The following SSBP1 variants were observed in gnomAD, a reference collection of about 807,000 sequenced individuals.
The protein encoded by SSBP1 is single-stranded DNA-binding protein, mitochondrial.
In SSBP1, 20 loss-of-function variants were observed where a neutral mutation model predicts 27.0. That is an observed-to-expected ratio of 0.74 (90% confidence interval 0.52 to 1.08). The LOEUF (loss-of-function observed/expected upper bound fraction) is 1.08. Ranked by LOEUF, SSBP1 falls within the 50% of genes least tolerant of loss-of-function variation. The probability of loss-of-function intolerance (pLI) is 0.00; values close to 1 mark genes in which losing one functional copy is unlikely to be tolerated. For synonymous variants in SSBP1, 59 were observed against 59.3 expected (o/e 1.00, Z 0.02); for missense variants, 137 against 182.4 (o/e 0.75, Z 1.44).
chr7:141,738,598 A>AG (rs1368522655), intron 1 of SSBP1, 188 bp downstream of exon 1: 2 of 152,528 alleles, frequency 1.3e-5, no homozygotes, highest in African/African-American at 4.8e-5. Flanking sequence ...TCTTCGGTAA[A>AG]GGGTGTCCAC....
At position 141,743,498 on chromosome 7, in the gene SSBP1, G is replaced by T. The variant is rs1027192360; in HGVS notation, c.86-63G>T. 3.3e-5 allele frequency: 52 copies of T among 1,563,536 alleles called. No homozygotes were observed. In the Admixed American group the frequency reaches 4.5e-4, roughly 14 times the overall value. On this transcript the variant is annotated intron_variant, in intron 3 of 6. Transcript: ENST00000265304. The stretch of plus-strand genomic sequence containing the variant: ...GAGCTTCAACATACAAATTTTGGGG[G>T]AAGGGGCACAACTATTCAGTCTATA...
intron 2 of SSBP1, chr7:141,741,775 C>G (rs1799542153): frequency 1.0e-6 from 1 of 997,248 alleles, no homozygotes; most frequent in Admixed American, 5.9e-5. Context: ...TTTGAAAATA[C>G]TTGGCAGCAA....
At chr7:141,748,023 T>G (rs936187191) in intron 6 of SSBP1, among the ~76,000 whole-genome samples, 1 of 151,094 alleles carries the variant, frequency 6.6e-6, no homozygotes, top group Non-Finnish European at 1.5e-5. Flanking sequence ...AAAAATTTTT[T>G]TTTTTTTACT....
rs777151185 is a variant in SSBP1 at position 141,739,184 on chromosome 7, A to G, written c.18A>G (p.Val6=). The G allele has an allele frequency of 3.7e-6, 6 of 1,602,074 alleles. No homozygotes were observed. In the Admixed American group the frequency reaches 5.2e-5, roughly 14 times the overall value. The part of the protein sequence containing the change: MFRRP[V]LQVLRQFVRH... The stretch of plus-strand genomic sequence containing the variant: ...TAGAAGCCATGTTTCGAAGACCTGT[A>G]TTACAGGTAGTCACTTGTCTGTATT... Residue 6 remains valine (V), a synonymous_variant, in exon 2 of 7, where the codon GTA becomes GTG. Coordinates refer to ENST00000265304, the MANE Select transcript of SSBP1 (RefSeq NM_003143.3).
rs1243545173 is a variant in SSBP1 at position 141,743,696 on chromosome 7, A to G, written c.221A>G (p.Gln74Arg). 3 of 1,614,142 alleles carry G rather than the reference A, an allele frequency of 1.9e-6. No homozygotes were observed. The African/African-American group carries it at 4.0e-5, about 22-fold the overall frequency. ...MWRSGDSEVY[Q>R]LGDVSQKTTW... is the part of the protein sequence containing the mutation. ...CGATCAGGGGATAGTGAAGTTTACC[A>G]ACTGGGTGAGTACAAAAGACTGGGG... The change falls in exon 4 of 7, where the codon CAA becomes CGA. Residue 74 changes from glutamine (Q) to arginine (R), a missense_variant. Gln to Arg is a conservative substitution (Grantham distance 43). Around this residue, in one of 2 missense-constraint regions of SSBP1, gnomAD observed 95 missense variants for 152.0 expected, o/e 0.62. Coordinates refer to ENST00000265304, the MANE Select transcript of SSBP1 (RefSeq NM_003143.3).
chr7:141,740,246 A>T (rs1218439478), intron 2 of SSBP1: 2 of 152,248 alleles, frequency 1.3e-5, no homozygotes, highest in African/African-American at 4.8e-5. Context: ...TGATAGGATT[A>T]GATAGCCAAC....
In SSBP1 at chr7:141,747,995, C is replaced by CAAA. The variant is rs926171907; in HGVS notation, c.404-2296_404-2294dup. On this transcript the variant is annotated intron_variant, in intron 6 of 6. Coordinates refer to ENST00000265304, the MANE Select transcript of SSBP1 (RefSeq NM_003143.3). ...CCTGGGCAATAGAGGAAGACTCTCT[C>CAAA]AAAAAAAAAAAAAAAAAAAAAATTT... Among the ~76,000 whole-genome samples, 168 of 55,918 alleles carry CAAA rather than the reference C, an allele frequency of 3.0e-3. 1 individual carries two copies. The highest frequency in any genetic ancestry group is 0.01 in the African/African-American group (161 of 15,380). The allele number at this position is 55,918 out of a possible 152,430, so 36.7% of individuals were successfully genotyped here.
At chr7:141,750,222 C>A in intron 6 of SSBP1, 89 bp from the exon 7 acceptor site, 2 of 916,988 alleles carry the variant, frequency 2.2e-6, no homozygotes, top group Non-Finnish European at 1.7e-6. Context: ...TAATGAACAG[C>A]ACTAAAGTTA....
chr7:141,739,201 G>C lies in SSBP1; in HGVS notation c.24+11G>C. 1 of 1,597,694 alleles carries C rather than the reference G, an allele frequency of 6.3e-7. No individual in the cohort carries two copies. The highest frequency in any genetic ancestry group is 8.5e-7 in the Non-Finnish European group (1 of 1,171,854). ...AGACCTGTATTACAGGTAGTCACTTGTCTGTATTAATACTGAGATGTATTA... is the reference window on the plus strand; with the variant it reads ...AGACCTGTATTACAGGTAGTCACTTCTCTGTATTAATACTGAGATGTATTA... On this transcript the variant is annotated intron_variant, in intron 2 of 6. Transcript: ENST00000265304.
Position 141,750,402 on chromosome 7 carries a change from AG to A in SSBP1, c.*49del, listed in dbSNP as rs1799918865. 6.9e-7 allele frequency: 1 copy of A among 1,458,176 alleles called. No individual in the cohort carries two copies. The highest frequency in any genetic ancestry group is 2.3e-5 in the Admixed American group (1 of 44,046). The allele number at this position is 1,458,176 out of a possible 1,614,324, so 90.3% of individuals were successfully genotyped here. On this transcript the variant is annotated 3_prime_UTR_variant, in exon 7 of 7. Transcript: ENST00000265304. ...ATCATTTGGTACAGTCTCATTTCCA[AG>A]TCATGTATAATCTTTATGGCTTCCA...
chr7:141,747,661 T>C (rs918282869), intron 6 of SSBP1, among the ~76,000 whole-genome samples: 65 of 151,698 alleles, frequency 4.3e-4, no homozygotes, highest in African/African-American at 1.5e-3. Context: ...GTGCTGGGAT[T>C]ACAGGCGTGA....
chr7:141,740,487 C>T (rs1436692562), intron 2 of SSBP1: 2 of 152,170 alleles, frequency 1.3e-5, no homozygotes, highest in African/African-American at 4.8e-5. Context: ...GATCACTTGC[C>T]ACATACTTCC....
chr7:141,741,637 A>T, intron 2 of SSBP1: 1 of 251,662 alleles, frequency 4.0e-6, no homozygotes, highest in Non-Finnish European at 6.3e-6. Flanking sequence ...TCTAAAGTCT[A>T]CTGTAACCAA....
chr7:141,749,983 G>A (rs776660798), intron 6 of SSBP1, among the ~76,000 whole-genome samples: 2 of 152,140 alleles, frequency 1.3e-5, no homozygotes, highest in Non-Finnish European at 2.9e-5. Flanking sequence ...TAGTGTCGTG[G>A]AATCTGCCTG....
At chr7:141,745,641 G>A in intron 6 of SSBP1, 57 bp downstream of exon 6, 1 of 1,604,106 alleles carries the variant, frequency 6.2e-7, no homozygotes, top group Non-Finnish European at 8.5e-7. Flanking sequence ...TTTTTTAAAA[G>A]CTTGGCTACA....
intron 6 of SSBP1, chr7:141,745,920 G>T: frequency 1.9e-6 from 2 of 1,036,308 alleles, no homozygotes; most frequent in South Asian, 4.5e-5. Flanking sequence ...CCAGGAAGAA[G>T]CGTATGCCAA....
At chr7:141,745,435 C>G in intron 5 of SSBP1, 61 bp from the exon 6 acceptor site, 1 of 1,423,182 alleles carries the variant, frequency 7.0e-7, no homozygotes, top group South Asian at 1.3e-5. Flanking sequence ...ACCACCCTGA[C>G]CTGACTCTTA....
chr7:141,743,441 C>T lies in SSBP1; in HGVS notation c.86-120C>T. On this transcript the variant is annotated intron_variant, in intron 3 of 6. Coordinates refer to ENST00000265304, the MANE Select transcript of SSBP1 (RefSeq NM_003143.3). ...CTAAGCCTAATTACCTTTTAAGGAT[C>T]CCACTTCCAAATACCATTACATTGA... The T allele has an allele frequency of 5.9e-6, 7 of 1,176,902 alleles. No homozygotes were observed. In the South Asian group the frequency reaches 6.3e-5, roughly 11 times the overall value. The allele number at this position is 1,176,902 out of a possible 1,614,324, so 72.9% of individuals were successfully genotyped here.
chr7:141,748,522 G>GA (rs1315923428), intron 6 of SSBP1, among the ~76,000 whole-genome samples: 2 of 152,188 alleles, frequency 1.3e-5, no homozygotes, highest in African/African-American at 4.8e-5. Flanking sequence ...TATTAACCTT[G>GA]AAAAGCAGTG....
Sources: gnomAD v4.1 joint callset for allele counts (sites outside exome capture counted in the v4.1 genomes callset) on GRCh38, gnomAD v4.1.1 for gene constraint, gnomAD v4.1.1 regional missense constraint, MANE v1.5 for transcripts, NCBI Gene and HGNC (gene_info 2026-07-23, HGNC 2026-07-21) for gene names.